The following TMEM131L variants were observed in gnomAD, a reference collection of about 807,000 sequenced individuals.
The protein encoded by TMEM131L is transmembrane 131 like, also known as transmembrane protein 131-like.
TMEM131L carries 54 observed loss-of-function variants against 192.2 expected under a neutral mutation model. That is an observed-to-expected ratio of 0.28 (90% CI 0.23 to 0.35). TMEM131L has a LOEUF of 0.35. Ranked by LOEUF, TMEM131L falls within the 10% of genes least tolerant of loss-of-function variation. The pLI is 1.00. For synonymous variants in TMEM131L, 701 were observed against 704.9 expected (o/e 0.99, Z 0.09); for missense variants, 1,888 against 1,972.9 (o/e 0.96, Z 0.82).
intron 25 of TMEM131L, among the ~76,000 whole-genome samples, chr4:153,607,079 TAAG>T (rs920645892): frequency 6.6e-6 from 1 of 152,144 alleles, no homozygotes; most frequent in Non-Finnish European, 1.5e-5. Flanking sequence ...ATATTAAAAA[TAAG>T]AAAGGACTGA....
intron 3 of TMEM131L, among the ~76,000 whole-genome samples, chr4:153,506,570 C>T (rs995430272): frequency 4.6e-5 from 7 of 151,882 alleles, no homozygotes; most frequent in African/African-American, 9.7e-5. Context: ...ACGCCGGGTG[C>T]GGTGGCTCAT....
At chr4:153,482,342 A>T (rs777220794) in intron 3 of TMEM131L, among the ~76,000 whole-genome samples, 16 of 152,136 alleles carry the variant, frequency 1.1e-4, no homozygotes, top group Non-Finnish European at 2.4e-4. Flanking sequence ...ACTGTTGTAG[A>T]GCTCATAATT....
intron 3 of TMEM131L, among the ~76,000 whole-genome samples, chr4:153,474,994 C>CT (rs1460836942): frequency 1.3e-5 from 2 of 152,152 alleles, no homozygotes; most frequent in African/African-American, 4.8e-5. Flanking sequence ...TTCCAGACCC[C>CT]CAGGGTGTAG....
intron 2 of TMEM131L, among the ~76,000 whole-genome samples, chr4:153,470,949 C>CT (rs1731112918): frequency 6.6e-6 from 1 of 151,968 alleles, no homozygotes; most frequent in Admixed American, 6.6e-5. Context: ...GTTTCTCCCT[C>CT]TTTGAGTTTC....
At chr4:153,469,697 G>A (rs1003159409) in intron 2 of TMEM131L, among the ~76,000 whole-genome samples, 2 of 152,198 alleles carry the variant, frequency 1.3e-5, no homozygotes, top group South Asian at 4.1e-4. Context: ...AAGGCTGAGA[G>A]GGGTGGATCA....
rs529784419 is a variant in TMEM131L, at chr4:153,622,078, G to A, written c.3859+229G>A. Among the ~76,000 whole-genome samples, 6 of 152,276 alleles carry A rather than the reference G, an allele frequency of 3.9e-5. No homozygotes were observed. In the South Asian group the frequency reaches 6.2e-4, roughly 16 times the overall value. On this transcript the variant is annotated intron_variant, in intron 28 of 34. Coordinates refer to ENST00000409959, the MANE Select transcript of TMEM131L (RefSeq NM_001131007.2). Reference sequence around the variant, plus strand: ...CCCCAGCCCCCCAGTCTGGCCAGTCGCAACTATCCTCAGGCATATTGCTGA... The same window carrying A: ...CCCCAGCCCCCCAGTCTGGCCAGTCACAACTATCCTCAGGCATATTGCTGA...
At chr4:153,511,766 G>C (rs1734375962) in intron 3 of TMEM131L, among the ~76,000 whole-genome samples, 1 of 152,094 alleles carries the variant, frequency 6.6e-6, no homozygotes, top group Non-Finnish European at 1.5e-5. Context: ...CCAGTAATAA[G>C]TAATAGTCTT....
intron 3 of TMEM131L, among the ~76,000 whole-genome samples, chr4:153,489,504 G>A (rs1204991068): frequency 6.6e-6 from 1 of 152,168 alleles, no homozygotes; most frequent in Non-Finnish European, 1.5e-5. Context: ...TTGAGACAGA[G>A]TCTCACTCTC....
chr4:153,628,229 G>A (rs993253783), intron 31 of TMEM131L, among the ~76,000 whole-genome samples: 1 of 152,230 alleles, frequency 6.6e-6, no homozygotes, highest in African/African-American at 2.4e-5. Context: ...CTGCCTGCGG[G>A]GAAGGCAGTT....
chr4:153,582,243 G>C (rs960513084), intron 9 of TMEM131L, among the ~76,000 whole-genome samples: 1 of 151,578 alleles, frequency 6.6e-6, no homozygotes, highest in African/African-American at 2.4e-5. Flanking sequence ...TTTTGGTTTT[G>C]TTTCTGTTTT....
chr4:153,587,380 TC>T (rs1239599156), intron 14 of TMEM131L, among the ~76,000 whole-genome samples: 1 of 152,090 alleles, frequency 6.6e-6, no homozygotes, highest in Non-Finnish European at 1.5e-5. Context: ...ACTAATCTAA[TC>T]TTTTTTTTTT....
At chr4:153,612,203 G>A (rs1732668428) in intron 25 of TMEM131L, 49 bp from the exon 26 acceptor site, 1 of 1,368,902 alleles carries the variant, frequency 7.3e-7, no homozygotes, top group Non-Finnish European at 9.8e-7. Context: ...GATGGGGAAT[G>A]TGAGTGGAAA....
intron 3 of TMEM131L, among the ~76,000 whole-genome samples, chr4:153,518,279 G>A (rs1348732743): frequency 6.6e-6 from 1 of 152,150 alleles, no homozygotes; most frequent in Non-Finnish European, 1.5e-5. Context: ...CTCATTTCCC[G>A]AGCACTTCTT....
intron 3 of TMEM131L, among the ~76,000 whole-genome samples, chr4:153,507,542 C>T (rs1734072730): frequency 6.6e-6 from 1 of 152,172 alleles, no homozygotes; most frequent in African/African-American, 2.4e-5. Flanking sequence ...TTATTCTCCA[C>T]ATTGTGAGTC....
intron 7 of TMEM131L, among the ~76,000 whole-genome samples, chr4:153,574,327 G>T (rs1729790587): frequency 6.6e-6 from 1 of 152,136 alleles, no homozygotes; most frequent in Non-Finnish European, 1.5e-5. Flanking sequence ...GGTGGTGGTG[G>T]TGGGGGTTGA....
chr4:153,466,424 C>T lies in TMEM131L; in HGVS notation c.27C>T (p.Pro9=), dbSNP rs1220164871. Residue 9 remains proline, a synonymous_variant, in exon 1 of 35, where the codon CCC becomes CCT. Transcript: ENST00000409959. ...TGGCGGGGCTCCGACGCCCGCAGCC[C>T]GGCTGCTACTGCCGCACCGCGGCGG... is the stretch of plus-strand genomic sequence containing the variant. The part of the protein sequence containing the change: MAGLRRPQ[P]GCYCRTAAAV... 7.2e-7 allele frequency: 1 copy of T among 1,387,272 alleles called. No homozygotes were observed. Among genetic ancestry groups the T allele is most frequent in the Non-Finnish European group, 9.4e-7 (1 of 1,063,064 alleles). 85.9% of individuals were successfully genotyped at this position (1,387,272 alleles called of 1,614,324 possible). A position where few individuals can be genotyped will look rare whatever the true frequency, so the allele number is the denominator to read the frequency against.
chr4:153,540,861 A>T (rs971515299), intron 3 of TMEM131L, among the ~76,000 whole-genome samples: 12 of 152,142 alleles, frequency 7.9e-5, no homozygotes, highest in African/African-American at 2.9e-4. Flanking sequence ...AAAGTCCTTC[A>T]TCCCTAGACT....
chr4:153,572,457 A>G (rs955577644), intron 7 of TMEM131L, among the ~76,000 whole-genome samples: 2 of 152,030 alleles, frequency 1.3e-5, no homozygotes, highest in Admixed American at 1.3e-4. Context: ...CAGCCTCCCA[A>G]GTAGCTGGGA....
At chr4:153,584,435 A>G (rs576813908) in intron 11 of TMEM131L, among the ~76,000 whole-genome samples, 2 of 152,374 alleles carry the variant, frequency 1.3e-5, no homozygotes, top group South Asian at 4.1e-4. Context: ...ACTCAATATT[A>G]TAACCTAATC....
Sources: gnomAD v4.1 joint callset for allele counts (sites outside exome capture counted in the v4.1 genomes callset) on GRCh38, gnomAD v4.1.1 for gene constraint, MANE v1.5 for transcripts, NCBI Gene and HGNC (gene_info 2026-07-23, HGNC 2026-07-21) for gene names.